KLC2: variants seen among roughly 807,000 people sequenced by gnomAD.
The protein encoded by KLC2 is KLC 2.
In KLC2, 35 loss-of-function variants were observed where a neutral mutation model predicts 75.1. The observed-to-expected ratio is 0.47, with a 90% CI of 0.36 to 0.62. KLC2 has a LOEUF of 0.62. Ranked by LOEUF, KLC2 falls within the 20% of genes least tolerant of loss-of-function variation. KLC2 has a pLI of 0.00. For synonymous variants in KLC2, 314 were observed against 336.7 expected (o/e 0.93, Z 0.74); for missense variants, 611 against 833.2 (o/e 0.73, Z 3.28).
At chr11:66,249,339 T>C in the KLC2 span, among the ~76,000 whole-genome samples, 6 of 152,230 alleles carry the variant, frequency 3.9e-5, no homozygotes, top group Non-Finnish European at 7.3e-5. Flanking sequence ...CTGTTCTCTT[T>C]GGAAGGAAGT....
In KLC2 at chr11:66,267,638, C is replaced by T. The variant is rs1345374386; in HGVS notation, c.*682C>T. On this transcript the variant is annotated 3_prime_UTR_variant, in exon 16 of 16. Transcript: ENST00000394067. ...GCCGGGCCCTGCCCCGCATCCCGGC[C>T]TTATGCACTGCCCCTCCCACCCGGC... 3.4e-6 allele frequency: 2 copies of T among 588,862 alleles called. No homozygotes were observed. Among genetic ancestry groups the T allele is most frequent in the Admixed American group, 3.1e-5 (1 of 32,724 alleles). The allele number at this position is 588,862 out of a possible 1,614,324, so 36.5% of individuals were successfully genotyped here.
rs1385370005 is a variant in KLC2, at chr11:66,267,476, A to T, written c.*520A>T. On this transcript the variant is annotated 3_prime_UTR_variant, in exon 16 of 16. Coordinates refer to ENST00000394067, the MANE Select transcript of KLC2 (RefSeq NM_001318734.2). The stretch of plus-strand genomic sequence containing the variant: ...CGTGCGGTGGTATCTCCCAGGCTCT[A>T]CATTCTCGGGAGCGGCGCCTCCCAA... 1.4e-6 allele frequency: 1 copy of T among 705,426 alleles called. No homozygotes were observed. Among genetic ancestry groups the T allele is most frequent in the South Asian group, 1.5e-5 (1 of 67,104 alleles). The allele number at this position is 705,426 out of a possible 1,614,324, so 43.7% of individuals were successfully genotyped here.
chr11:66,259,975 G>A lies in KLC2; in HGVS notation c.228+1153G>A, dbSNP rs780585255. On this transcript the variant is annotated intron_variant, in intron 2 of 15. Transcript: ENST00000394067. ...GGCCTCCTTTAATTGAGGCTGCCAGGATGATATGCAGTTGGAGATGTCCAG... is the reference window on the plus strand; with the variant it reads ...GGCCTCCTTTAATTGAGGCTGCCAGAATGATATGCAGTTGGAGATGTCCAG... 9.2e-5 allele frequency: 14 copies of A among 152,300 alleles called. 1 individual carries two copies. The highest frequency in any genetic ancestry group is 6.8e-3 in the Middle Eastern group (2 of 294). The allele number at this position is 152,300 out of a possible 1,614,324, so 9.4% of individuals were successfully genotyped here. A position where few individuals can be genotyped will look rare whatever the true frequency, so the allele number is the denominator to read the frequency against.
intron 2 of KLC2, among the ~76,000 whole-genome samples, chr11:66,260,167 ATT>A (rs543009515): frequency 3.4e-5 from 5 of 145,988 alleles, no homozygotes; most frequent in African/African-American, 2.5e-5. Flanking sequence ...TGTTGGGGGA[ATT>A]TTTTTTTTTT....
At chr11:66,257,100 T>G (rs750199026), upstream of KLC2, among the ~76,000 whole-genome samples, 10 of 152,218 alleles carry the variant, frequency 6.6e-5, no homozygotes, top group Non-Finnish European at 8.8e-5. Context: ...GGGCTGTGGA[T>G]GAGCACTGCA....
the KLC2 span, among the ~76,000 whole-genome samples, chr11:66,251,310 G>A: frequency 1.5e-5 from 2 of 136,824 alleles, no homozygotes; most frequent in African/African-American, 5.1e-5. Flanking sequence ...TGGCCAACAT[G>A]GTGAAACCCT....
the KLC2 span, among the ~76,000 whole-genome samples, chr11:66,249,172 C>T: frequency 6.6e-6 from 1 of 152,156 alleles, no homozygotes; most frequent in East Asian, 1.9e-4. Context: ...ATGTTCTTCT[C>T]GTGGCTGGAT....
rs926096838 is a variant in KLC2, at chr11:66,267,145, C to T, written c.*189C>T. On this transcript the variant is annotated 3_prime_UTR_variant, in exon 16 of 16. Transcript: ENST00000394067. ...TGGAGGCTGGGCCTGCCCACTCCAG[C>T]TCCATCCCTTATTTATTCCTTCCAG... 1.9e-6 allele frequency: 3 copies of T among 1,540,208 alleles called. No homozygotes were observed. The highest frequency in any genetic ancestry group is 2.6e-6 in the Non-Finnish European group (3 of 1,141,094).
intron 2 of KLC2, among the ~76,000 whole-genome samples, chr11:66,260,327 C>T (rs964290489): frequency 6.6e-5 from 10 of 152,284 alleles, no homozygotes; most frequent in South Asian, 6.2e-4. Context: ...ACTCAGGGGC[C>T]GCACACCTGG....
At chr11:66,264,991 T>C in intron 9 of KLC2, 32 bp from the exon 10 acceptor site, 1 of 1,610,854 alleles carries the variant, frequency 6.2e-7, no homozygotes, top group Non-Finnish European at 8.5e-7. Flanking sequence ...ACCTATATGG[T>C]AGGCTGGTGA....
In KLC2 at chr11:66,263,935, C is replaced by A. The variant is rs775710491; in HGVS notation, c.925C>A (p.Leu309Met). 3.1e-6 allele frequency: 5 copies of A among 1,614,058 alleles called. No homozygotes were observed. Among genetic ancestry groups the A allele is most frequent in the Non-Finnish European group, 4.2e-6 (5 of 1,180,000 alleles). The change falls in exon 7 of 16, where the codon CTG (leucine) becomes ATG (methionine). Residue 309 changes from leucine to methionine, a missense_variant. By Grantham distance (15) the Leu-to-Met change is conservative. Transcript: ENST00000394067. ...GGCTGAGCCATTGTGCAAGCGGGCACTGGAGATCCGGGAGAAGGTGGGAAC... is the reference window on the plus strand; with the variant it reads ...GGCTGAGCCATTGTGCAAGCGGGCAATGGAGATCCGGGAGAAGGTGGGAAC... Reference protein sequence around the residue: ...KEAEPLCKRALEIREKVLGKF... With the variant: ...KEAEPLCKRAMEIREKVLGKF...
In KLC2 at chr11:66,267,750, A is replaced by C. The variant is rs1001829341; in HGVS notation, c.*794A>C. 24 of 457,166 alleles carry C rather than the reference A, an allele frequency of 5.2e-5. No homozygotes were observed. Among genetic ancestry groups the C allele is most frequent in the Non-Finnish European group, 9.2e-5 (24 of 261,032 alleles). The allele number at this position is 457,166 out of a possible 1,614,324, so 28.3% of individuals were successfully genotyped here. On this transcript the variant is annotated 3_prime_UTR_variant, in exon 16 of 16. Coordinates refer to ENST00000394067, the MANE Select transcript of KLC2 (RefSeq NM_001318734.2). ...CCCCCCACGCCTGCAGCTTCTCGCG[A>C]GGGGCGGCGACGGTCCCCTGGTGGC...
intron 9 of KLC2, 88 bp downstream of exon 9, chr11:66,264,532 A>C (rs751755508): frequency 2.0e-6 from 2 of 980,538 alleles, no homozygotes; most frequent in Non-Finnish European, 3.2e-6. Flanking sequence ...TCAGCAGGGC[A>C]GGCCCTCAGG....
rs1279997408 is a variant in KLC2 at position 66,267,521 on chromosome 11, C to G, written c.*565C>G. The G allele has an allele frequency of 1.5e-6, 1 of 669,608 alleles. No individual in the cohort carries two copies. The highest frequency in any genetic ancestry group is 1.8e-5 in the African/African-American group (1 of 56,020). The allele number at this position is 669,608 out of a possible 1,614,324, so 41.5% of individuals were successfully genotyped here. A position where few individuals can be genotyped will look rare whatever the true frequency, so the allele number is the denominator to read the frequency against. On this transcript the variant is annotated 3_prime_UTR_variant, in exon 16 of 16. Coordinates refer to ENST00000394067, the MANE Select transcript of KLC2 (RefSeq NM_001318734.2). ...TCCCAAGGGGGTCCTGGGACCTTCT[C>G]GCGCTCCTCCTGGCCTCTGAGGGAT...
chr11:66,262,369 G>A, intron 4 of KLC2, 177 bp downstream of exon 4: 1 of 619,174 alleles, frequency 1.6e-6, no homozygotes, highest in South Asian at 1.9e-5. Context: ...CAGCTCTGTG[G>A]TGAGCAGACA....
At chr11:66,254,871 G>C (rs2134778488), upstream of KLC2, among the ~76,000 whole-genome samples, 1 of 151,868 alleles carries the variant, frequency 6.6e-6, no homozygotes, top group Admixed American at 6.6e-5. Flanking sequence ...GTTGCAGTGA[G>C]CCAAGATTGC....
the KLC2 span, among the ~76,000 whole-genome samples, chr11:66,245,265 T>C: frequency 1.3e-5 from 2 of 152,198 alleles, no homozygotes; most frequent in East Asian, 1.9e-4. Flanking sequence ...CACGAAGAAG[T>C]GTGTGCCTTC....
In KLC2 at chr11:66,265,182, C is replaced by T; in HGVS notation, c.1281C>T (p.Asp427=). The change falls in exon 11 of 16, where the codon GAC becomes GAT. Residue 427 remains aspartate (D), a synonymous_variant. Coordinates refer to ENST00000394067, the MANE Select transcript of KLC2 (RefSeq NM_001318734.2). ...CTTTCCTCCAGGATAAGCGCCGGGA[C>T]AGCGCCCCCTATGGGGAATACGGCA... ...EREESKDKRR[D]SAPYGEYGSW... is the part of the protein sequence containing the mutation. 4.3e-6 allele frequency: 7 copies of T among 1,613,762 alleles called. No homozygotes were observed. Among genetic ancestry groups the T allele is most frequent in the Non-Finnish European group, 5.9e-6 (7 of 1,179,712 alleles).
chr11:66,264,853 C>G, intron 9 of KLC2, 170 bp from the exon 10 acceptor site: 2 of 628,100 alleles, frequency 3.2e-6, no homozygotes, highest in East Asian at 5.5e-5. Context: ...AGGGTCTGTT[C>G]TGCTCATCTC....
Sources: gnomAD v4.1 joint callset for allele counts (sites outside exome capture counted in the v4.1 genomes callset) on GRCh38, gnomAD v4.1.1 for gene constraint, MANE v1.5 for transcripts, NCBI Gene and HGNC (gene_info 2026-07-23, HGNC 2026-07-21) for gene names.